The following TRPM7 variants were observed in gnomAD, a reference collection of about 807,000 sequenced individuals.
TRPM7 encodes LTRPC ion channel family member 7.
Under a neutral mutation model 229.7 loss-of-function variants are expected in TRPM7, and 134 were observed. The observed-to-expected ratio is 0.58, with a 90% CI of 0.51 to 0.67. TRPM7 has a LOEUF of 0.67. Among genes scored for constraint, TRPM7 ranks in the 30% least tolerant of loss-of-function variants. The pLI, the probability that TRPM7 is intolerant of heterozygous loss-of-function variation, is 0.00. For synonymous variants in TRPM7, 699 were observed against 715.2 expected (o/e 0.98, Z 0.36); for missense variants, 1,901 against 2,210.0 (o/e 0.86, Z 2.80).
rs559520826 is a variant in TRPM7, at chr15:50,601,785, T to C, written c.2989-2489A>G. Among the ~76,000 whole-genome samples the C allele has an allele frequency of 9.9e-5, 15 of 152,168 alleles. No individual in the cohort carries two copies. In the South Asian group the frequency reaches 1.0e-3, roughly 11 times the overall value. On this transcript the variant is annotated intron_variant, in intron 21 of 38. Transcript: ENST00000646667. Reference sequence around the variant, plus strand: ...ATGTATTAGGTTGATGCAAAAGTAATTGCAGTTTTTGCAATTACTTTTAAT... The same window carrying C: ...ATGTATTAGGTTGATGCAAAAGTAACTGCAGTTTTTGCAATTACTTTTAAT...
intron 19 of TRPM7, 54 bp downstream of exon 19, chr15:50,609,527 T>TCC (rs1166755597): frequency 6.6e-7 from 1 of 1,508,134 alleles, no homozygotes; most frequent in Non-Finnish European, 8.9e-7. Flanking sequence ...GAACCAATGG[T>TCC]CCCCCAAAGC....
chr15:50,613,914 T>C lies in TRPM7; in HGVS notation c.1636-73A>G. 13 of 1,532,762 alleles carry C rather than the reference T, an allele frequency of 8.5e-6. No individual in the cohort carries two copies. In the South Asian group the frequency reaches 1.6e-4, roughly 19 times the overall value. The allele number at this position is 1,532,762 out of a possible 1,614,324, so 94.9% of individuals were successfully genotyped here. ...TGTTATAAAAATTCAAGAATCAATT[T>C]ATATATGTGTGCAAATGTGTTTGTG... On this transcript the variant is annotated intron_variant, in intron 14 of 38. Coordinates refer to ENST00000646667, the MANE Select transcript of TRPM7 (RefSeq NM_017672.6).
At position 50,619,735 on chromosome 15, in the gene TRPM7, A is replaced by T; in HGVS notation, c.1494+10T>A. Reference sequence around the variant, plus strand: ...ATAACATTTTTCAAAAGCAAAAAATAATCTCTTACCTGTTTGACGTCTCGA... The same window carrying T: ...ATAACATTTTTCAAAAGCAAAAAATTATCTCTTACCTGTTTGACGTCTCGA... On this transcript the variant is annotated intron_variant, in intron 13 of 38. Coordinates refer to ENST00000646667, the MANE Select transcript of TRPM7 (RefSeq NM_017672.6). 3 of 1,564,166 alleles carry T rather than the reference A, an allele frequency of 1.9e-6. No homozygotes were observed. The highest frequency in any genetic ancestry group is 2.6e-6 in the Non-Finnish European group (3 of 1,162,410).
intron 2 of TRPM7, among the ~76,000 whole-genome samples, chr15:50,661,456 CTTTG>C (rs1453889227): frequency 3.3e-5 from 5 of 152,140 alleles, no homozygotes; most frequent in African/African-American, 1.2e-4. Flanking sequence ...ATTGCTTCAA[CTTTG>C]TTTCTCAAAA....
At chr15:50,645,580 C>T (rs2061239419) in intron 4 of TRPM7, among the ~76,000 whole-genome samples, 1 of 152,126 alleles carries the variant, frequency 6.6e-6, no homozygotes, top group Admixed American at 6.5e-5. Flanking sequence ...GATCCATCTG[C>T]CTTGGCTTCC....
intron 36 of TRPM7, 139 bp from the exon 37 acceptor site, chr15:50,570,294 G>A: frequency 3.2e-6 from 2 of 619,808 alleles, no homozygotes; most frequent in Non-Finnish European, 5.3e-6. Context: ...TCAAAGGAGT[G>A]TAGTTCTTCT....
At chr15:50,636,395 T>C (rs912895393) in intron 7 of TRPM7, among the ~76,000 whole-genome samples, 9 of 152,274 alleles carry the variant, frequency 5.9e-5, no homozygotes, top group Middle Eastern at 3.4e-3. Flanking sequence ...TTCACCATAC[T>C]GGTCAGTCTG....
chr15:50,654,613 T>C (rs1423200293), intron 3 of TRPM7, among the ~76,000 whole-genome samples: 1 of 151,208 alleles, frequency 6.6e-6, no homozygotes, highest in Non-Finnish European at 1.5e-5. Context: ...ATAATGAGAG[T>C]GCACATGGTG....
chr15:50,655,750 C>A (rs1303901084), intron 3 of TRPM7, among the ~76,000 whole-genome samples: 1 of 152,172 alleles, frequency 6.6e-6, no homozygotes, highest in Non-Finnish European at 1.5e-5. Context: ...GGAATTCCAG[C>A]ACTTTGGGAG....
chr15:50,574,050 C>T (rs1004759084), intron 36 of TRPM7, among the ~76,000 whole-genome samples: 8 of 147,402 alleles, frequency 5.4e-5, no homozygotes, highest in Non-Finnish European at 1.2e-4. Context: ...GAGCAAGACT[C>T]CCTCTGGGGG....
rs557530990 is a variant in TRPM7 at position 50,636,274 on chromosome 15, T to A, written c.832+1148A>T. 1.9e-4 allele frequency among the ~76,000 whole-genome samples: 29 copies of A among 151,416 alleles called. No homozygotes were observed. The South Asian group carries it at 6.1e-3, about 32-fold the overall frequency. ...GATCTTGGCTCACCTCACTGCAGCC[T>A]CCGCCTCCTGGGCTCAAACAATTCT... On this transcript the variant is annotated intron_variant, in intron 7 of 38. Coordinates refer to ENST00000646667, the MANE Select transcript of TRPM7 (RefSeq NM_017672.6).
At chr15:50,656,189 G>C (rs1391441308) in intron 3 of TRPM7, among the ~76,000 whole-genome samples, 1 of 152,096 alleles carries the variant, frequency 6.6e-6, no homozygotes, top group Non-Finnish European at 1.5e-5. Flanking sequence ...AAACTCTTTG[G>C]CATCGTCAAA....
chr15:50,625,620 C>A (rs1221126612), intron 11 of TRPM7, among the ~76,000 whole-genome samples: 2 of 152,048 alleles, frequency 1.3e-5, no homozygotes, highest in Non-Finnish European at 2.9e-5. Flanking sequence ...GGACAGGTCT[C>A]AAACTCCTGG....
intron 1 of TRPM7, among the ~76,000 whole-genome samples, chr15:50,678,625 T>C (rs2062158415): frequency 6.6e-6 from 1 of 150,638 alleles, no homozygotes; most frequent in South Asian, 2.1e-4. Flanking sequence ...ACTCAACTAA[T>C]TAATAATTAG....
At chr15:50,672,210 C>CA (rs1408930844) in intron 1 of TRPM7, among the ~76,000 whole-genome samples, 1 of 152,086 alleles carries the variant, frequency 6.6e-6, no homozygotes, top group African/African-American at 2.4e-5. Flanking sequence ...ACCACCACCA[C>CA]ACCCAGCTAA....
intron 13 of TRPM7, 129 bp downstream of exon 13, chr15:50,619,616 T>C: frequency 1.3e-6 from 1 of 772,644 alleles, no homozygotes; most frequent in Non-Finnish European, 2.0e-6. Flanking sequence ...CCATATTTTA[T>C]CTTGTTCTGT....
At chr15:50,652,262 G>A (rs1176084240) in intron 3 of TRPM7, among the ~76,000 whole-genome samples, 1 of 148,910 alleles carries the variant, frequency 6.7e-6, no homozygotes, top group African/African-American at 2.5e-5. Context: ...GAACCTGGGA[G>A]GCGGAGATTG....
rs781414112 is a variant in TRPM7 at position 50,574,519 on chromosome 15, TAATAA to T, written c.5103-45_5103-41del. On this transcript the variant is annotated intron_variant, in intron 35 of 38. Coordinates refer to ENST00000646667, the MANE Select transcript of TRPM7 (RefSeq NM_017672.6). Reference sequence around the variant, plus strand: ...TTATAAATATTACTAGCAGTTTTGTTAATAAAATTCTAATTGATCTACAAAATGGA... The same window carrying T: ...TTATAAATATTACTAGCAGTTTTGTTAATTCTAATTGATCTACAAAATGGA... 5.1e-6 allele frequency: 8 copies of T among 1,571,774 alleles called. No individual in the cohort carries two copies. The Admixed American group carries it at 1.3e-4, about 25-fold the overall frequency.
At chr15:50,571,147 G>A (rs958518575) in intron 36 of TRPM7, among the ~76,000 whole-genome samples, 1 of 152,000 alleles carries the variant, frequency 6.6e-6, no homozygotes, top group Non-Finnish European at 1.5e-5. Context: ...TAATAAAATG[G>A]TTCAATTTCA....
Sources: gnomAD v4.1 joint callset for allele counts (sites outside exome capture counted in the v4.1 genomes callset) on GRCh38, gnomAD v4.1.1 for gene constraint, MANE v1.5 for transcripts, NCBI Gene and HGNC (gene_info 2026-07-23, HGNC 2026-07-21) for gene names.